DQX1: variants seen among roughly 807,000 people sequenced by gnomAD.
DQX1 encodes ATP-dependent RNA helicase homolog DQX1.
A neutral mutation model predicts 81.3 loss-of-function variants in DQX1; 66 were observed. The observed-to-expected ratio is 0.81, with a 90% CI of 0.67 to 1.00. The LOEUF (loss-of-function observed/expected upper bound fraction) is 1.00, where lower values mean the gene tolerates loss of function less well. DQX1 is among the 50% of genes least tolerant of loss of function. The pLI is 0.00. For missense variants in DQX1, 798 were observed against 867.9 expected (o/e 0.92, Z 1.01); for synonymous variants, 290 against 350.0 (o/e 0.83, Z 1.91).
rs779881243 is a variant in DQX1 at position 74,525,203 on chromosome 2, C to A, written c.238-1G>T. 6.5e-7 allele frequency: 1 copy of A among 1,549,268 alleles called. No homozygotes were observed. Among genetic ancestry groups the A allele is most frequent in the South Asian group, 1.2e-5 (1 of 83,276 alleles). Reference sequence around the variant, plus strand: ...CAAACTCTGCACACCACTGAGGGATCTGGGATAGAAGTAGGGAAGGAGAGC... The same window carrying A: ...CAAACTCTGCACACCACTGAGGGATATGGGATAGAAGTAGGGAAGGAGAGC... On this transcript the variant is annotated splice_acceptor_variant, in intron 2 of 11. Coordinates refer to ENST00000404568, the MANE Select transcript of DQX1 (RefSeq NM_133637.3). LOFTEE classifies it high-confidence loss of function. The surrounding 1 kb of genome is among the most constrained non-coding windows in gnomAD (Gnocchi z 4.1).
At chr2:74,519,487 G>A in intron 10 of DQX1, 69 bp downstream of exon 10, 1 of 1,560,406 alleles carries the variant, frequency 6.4e-7, no homozygotes, top group South Asian at 1.2e-5. Context: ...TTTCAAAGTG[G>A]CTTACCAATA....
rs1321279863 is a variant in DQX1, at chr2:74,522,884, T to A, written c.1275A>T (p.Pro425=). Residue 425 remains proline, a synonymous_variant, in exon 7 of 12, where the codon CCA becomes CCT. Transcript: ENST00000404568. ...GCTGGTCCAGGAAGTGACACTCCCC[T>A]GGCTCTGCAATCTGTCTCCTTTTTA... ...LLLKRRQIAE[P]GECHFLDQPA... 7.4e-6 allele frequency: 12 copies of A among 1,614,030 alleles called. No homozygotes were observed. Among genetic ancestry groups the A allele is most frequent in the Non-Finnish European group, 1.0e-5 (12 of 1,179,996 alleles).
In DQX1 at chr2:74,525,830, A is replaced by G. The variant is rs1186762958; in HGVS notation, c.-19-82T>C. On this transcript the variant is annotated intron_variant, in intron 1 of 11. Transcript: ENST00000404568. This position sits in a 1 kb window ranked among gnomAD's most constrained non-coding sequence, Gnocchi z 4.1. The stretch of plus-strand genomic sequence containing the variant: ...ACCTCAGCCCTGATCCTTAACCTCT[A>G]CCTTCAGTTGATCATGCTCTGGGGC... 15 of 967,102 alleles carry G rather than the reference A, an allele frequency of 1.6e-5. No individual in the cohort carries two copies. The highest frequency in any genetic ancestry group is 4.9e-5 in the African/African-American group (3 of 60,836). The allele number at this position is 967,102 out of a possible 1,614,324, so 59.9% of individuals were successfully genotyped here. A position where few individuals can be genotyped will look rare whatever the true frequency, so the allele number is the denominator to read the frequency against.
In DQX1 at chr2:74,525,344, C is replaced by T. The variant is rs2104344197; in HGVS notation, c.238-142G>A. 1 of 1,242,004 alleles carries T rather than the reference C, an allele frequency of 8.1e-7. No homozygotes were observed. The highest frequency in any genetic ancestry group is 1.1e-6 in the Non-Finnish European group (1 of 906,418). 76.9% of individuals were successfully genotyped at this position (1,242,004 alleles called of 1,614,324 possible). On this transcript the variant is annotated intron_variant, in intron 2 of 11. Coordinates refer to ENST00000404568, the MANE Select transcript of DQX1 (RefSeq NM_133637.3). This position sits in a 1 kb window ranked among gnomAD's most constrained non-coding sequence, Gnocchi z 4.1. ...CACCAGCCTCCAGGGCCAACCTAAC[C>T]CATCCCATCTCTCTTCGTTCACCTT...
chr2:74,523,423 C>T lies in DQX1; in HGVS notation c.931G>A (p.Val311Met), dbSNP rs1298020516. 9 of 1,614,080 alleles carry T rather than the reference C, an allele frequency of 5.6e-6. No individual in the cohort carries two copies. The highest frequency in any genetic ancestry group is 7.6e-6 in the Non-Finnish European group (9 of 1,180,060). The change falls in exon 5 of 12, where the codon GTG becomes ATG. Residue 311 changes from valine to methionine, a missense_variant. Coordinates refer to ENST00000404568, the MANE Select transcript of DQX1 (RefSeq NM_133637.3). ...TTTCGGGCATCCATGTCCTCATACA[C>T]AGCCTGAACGGCTCGTCCACAGTCT... ...HPDCGRAVQAVYEDMDARKVV... is the reference protein window; with the variant it reads ...HPDCGRAVQAMYEDMDARKVV...
intron 8 of DQX1, among the ~76,000 whole-genome samples, chr2:74,520,762 C>T (rs371026877): frequency 1.6e-4 from 24 of 152,126 alleles, no homozygotes; most frequent in South Asian, 8.3e-4. Context: ...CAGCCTCAAC[C>T]TCCCAGGCTT....
Position 74,525,356 on chromosome 2 carries a change from T to C in DQX1, c.237+137A>G. The C allele has an allele frequency of 8.0e-7, 1 of 1,249,606 alleles. No homozygotes were observed. The highest frequency in any genetic ancestry group is 1.1e-6 in the Non-Finnish European group (1 of 911,642). The allele number at this position is 1,249,606 out of a possible 1,614,324, so 77.4% of individuals were successfully genotyped here. On this transcript the variant is annotated intron_variant, in intron 2 of 11. Transcript: ENST00000404568. The surrounding 1 kb of genome is among the most constrained non-coding windows in gnomAD (Gnocchi z 4.1). ...GGGCCAACCTAACCCATCCCATCTC[T>C]CTTCGTTCACCTTCCTCATGACCCC... is the stretch of plus-strand genomic sequence containing the variant.
Position 74,525,547 on chromosome 2 carries a change from G to T in DQX1, c.183C>A (p.Asn61Lys), listed in dbSNP as rs1159880082. 4.5e-6 allele frequency: 7 copies of T among 1,552,234 alleles called. No individual in the cohort carries two copies. In the East Asian group the frequency reaches 1.5e-4, roughly 33 times the overall value. ...CAGACACCAGCACCACTCCAGTGGGGTTACTCTCCAACTGCTCCAAGAAGG... is the reference window on the plus strand; with the variant it reads ...CAGACACCAGCACCACTCCAGTGGGTTTACTCTCCAACTGCTCCAAGAAGG... ...RFTFLEQLESNPTGVVLVSGE... is the reference protein window; with the variant it reads ...RFTFLEQLESKPTGVVLVSGE... Residue 61 changes from asparagine (N) to lysine (K), a missense_variant, in exon 2 of 12, where the codon AAC becomes AAA. Asn to Lys is a moderately conservative substitution (Grantham distance 94). Coordinates refer to ENST00000404568, the MANE Select transcript of DQX1 (RefSeq NM_133637.3). This position sits in a 1 kb window ranked among gnomAD's most constrained non-coding sequence, Gnocchi z 4.1.
At chr2:74,524,390 C>A in intron 3 of DQX1, 83 bp from the exon 4 acceptor site, 1 of 1,508,042 alleles carries the variant, frequency 6.6e-7, no homozygotes, top group Non-Finnish European at 8.8e-7. Context: ...CCCCAAGGGA[C>A]GTATATTTTG....
chr2:74,521,013 A>T (rs1335350199), intron 8 of DQX1, among the ~76,000 whole-genome samples: 1 of 152,092 alleles, frequency 6.6e-6, no homozygotes, highest in African/African-American at 2.4e-5. Flanking sequence ...GTGTCTGAAA[A>T]AGTTCACATT....
At position 74,525,335 on chromosome 2, in the gene DQX1, C is replaced by G. The variant is rs1446428917; in HGVS notation, c.238-133G>C. The G allele has an allele frequency of 3.2e-6, 4 of 1,240,184 alleles. No homozygotes were observed. The highest frequency in any genetic ancestry group is 4.4e-6 in the Non-Finnish European group (4 of 907,080). 76.8% of individuals were successfully genotyped at this position (1,240,184 alleles called of 1,614,324 possible). A position where few individuals can be genotyped will look rare whatever the true frequency, so the allele number is the denominator to read the frequency against. On this transcript the variant is annotated intron_variant, in intron 2 of 11. Transcript: ENST00000404568. The surrounding 1 kb of genome is among the most constrained non-coding windows in gnomAD (Gnocchi z 4.1). Reference sequence around the variant, plus strand: ...CTGGTCTTTCACCAGCCTCCAGGGCCAACCTAACCCATCCCATCTCTCTTC... The same window carrying G: ...CTGGTCTTTCACCAGCCTCCAGGGCGAACCTAACCCATCCCATCTCTCTTC...
rs1256023331 is a variant in DQX1 at position 74,518,528 on chromosome 2, A to G, written c.2072T>C (p.Leu691Pro). 9.3e-6 allele frequency: 15 copies of G among 1,614,184 alleles called. No homozygotes were observed. The highest frequency in any genetic ancestry group is 1.3e-5 in the Non-Finnish European group (15 of 1,180,022). ...PSESRDLLNQ[L>P]REGMADSTAG... Reference sequence around the variant, plus strand: ...TGTAGAATCTGCCATTCCTTCCCTTAGCTGGTTCAGAAGGTCTCTGCTCTC... The same window carrying G: ...TGTAGAATCTGCCATTCCTTCCCTTGGCTGGTTCAGAAGGTCTCTGCTCTC... The change falls in exon 12 of 12, where the codon CTA becomes CCA. Residue 691 changes from leucine to proline, a missense_variant. Physicochemically the swap from Leu to Pro is moderately conservative, Grantham distance 98. Transcript: ENST00000404568.
rs1675134788 is a variant in DQX1, at chr2:74,525,033, C to G, written c.407G>C (p.Cys136Ser). ...CCTGAGCAGGGTGTTGGGCCCCGTG[C>G]AGTCCTCCTGGGGGATGCTGTATCC... ...EVGYSIPQED[C>S]TGPNTLLRFC... The change falls in exon 3 of 12, where the codon TGC (cysteine) becomes TCC (serine). Residue 136 changes from cysteine (C) to serine (S), a missense_variant. Physicochemically the swap from Cys to Ser is moderately radical, Grantham distance 112. Transcript: ENST00000404568. The surrounding 1 kb of genome is among the most constrained non-coding windows in gnomAD (Gnocchi z 4.1). 1.2e-6 allele frequency: 2 copies of G among 1,613,966 alleles called. No individual in the cohort carries two copies. The highest frequency in any genetic ancestry group is 1.7e-6 in the Non-Finnish European group (2 of 1,179,986).
In DQX1 at chr2:74,518,183, T is replaced by C. The variant is rs1390241074; in HGVS notation, c.*263A>G. 2.5e-6 allele frequency: 1 copy of C among 407,690 alleles called. No individual in the cohort carries two copies. Among genetic ancestry groups the C allele is most frequent in the Non-Finnish European group, 4.3e-6 (1 of 230,556 alleles). 25.3% of individuals were successfully genotyped at this position (407,690 alleles called of 1,614,324 possible). ...ATCACAAGGGAGTACAAGAATGGGT[T>C]TGGCAAAGTTAAGAGAATGAGGAGC... On this transcript the variant is annotated 3_prime_UTR_variant, in exon 12 of 12. Transcript: ENST00000404568.
intron 11 of DQX1, 79 bp from the exon 12 acceptor site, chr2:74,518,681 C>T (rs1572982879): frequency 7.0e-7 from 1 of 1,426,672 alleles, no homozygotes; most frequent in Non-Finnish European, 9.7e-7. Flanking sequence ...GGGTCTCGCT[C>T]TGTTACCTGG....
In DQX1 at chr2:74,525,598, G is replaced by A. The variant is rs1309348576; in HGVS notation, c.132C>T (p.Ala44=). 1 of 1,551,996 alleles carries A rather than the reference G, an allele frequency of 6.4e-7. No homozygotes were observed. The highest frequency in any genetic ancestry group is 2.4e-5 in the East Asian group (1 of 40,928). The change falls in exon 2 of 12, where the codon GCC becomes GCT. Residue 44 remains alanine (A), a synonymous_variant. Transcript: ENST00000404568. This position sits in a 1 kb window ranked among gnomAD's most constrained non-coding sequence, Gnocchi z 4.1. The part of the protein sequence containing the change: ...RYYELLKQRQ[A]LPIWAARFTF... Reference sequence around the variant, plus strand: ...TAAAGCGAGCAGCCCAGATGGGCAAGGCTTGGCGCTGCTTCAGCAGCTCAT... The same window carrying A: ...TAAAGCGAGCAGCCCAGATGGGCAAAGCTTGGCGCTGCTTCAGCAGCTCAT...
Position 74,523,227 on chromosome 2 carries a change from C to T in DQX1, c.1045-9G>A, listed in dbSNP as rs1243823807. The T allele has an allele frequency of 3.2e-5, 51 of 1,614,126 alleles. No homozygotes were observed. Among genetic ancestry groups the T allele is most frequent in the Non-Finnish European group, 4.2e-5 (50 of 1,180,022 alleles). On this transcript the variant is annotated splice_polypyrimidine_tract_variant and intron_variant, in intron 5 of 11. Transcript: ENST00000404568. Reference sequence around the variant, plus strand: ...ATCCTAGGATTGTAAACCTGTTGCCCGTCCCCCAACCAAGGCCAAGACAGA... The same window carrying T: ...ATCCTAGGATTGTAAACCTGTTGCCTGTCCCCCAACCAAGGCCAAGACAGA...
Position 74,524,148 on chromosome 2 carries a change from G to C in DQX1, c.591C>G (p.Asp197Glu). Residue 197 changes from aspartate (D) to glutamate (E), a missense_variant, in exon 4 of 12, where the codon GAC becomes GAG. Physicochemically the swap from Asp to Glu is conservative, Grantham distance 45. Transcript: ENST00000404568. ...QDARLEKLPG[D>E]LRVVVVTDPA... is the part of the protein sequence containing the mutation. ...GGTCAGTAACCACAACCACTCTGAG[G>C]TCCCCCGGAAGTTTTTCCAGCCTGG... 6.2e-7 allele frequency: 1 copy of C among 1,614,194 alleles called. No homozygotes were observed. Among genetic ancestry groups the C allele is most frequent in the Non-Finnish European group, 8.5e-7 (1 of 1,180,040 alleles).
At chr2:74,521,942 T>C (rs1675040892) in intron 8 of DQX1, among the ~76,000 whole-genome samples, 1 of 152,188 alleles carries the variant, frequency 6.6e-6, no homozygotes, top group South Asian at 2.1e-4. Flanking sequence ...ATAAACTTGC[T>C]CAGAGAGTTC....
Sources: gnomAD v4.1 joint callset for allele counts (sites outside exome capture counted in the v4.1 genomes callset) on GRCh38, gnomAD v4.1.1 for gene constraint, Gnocchi (gnomAD v3.1) non-coding constraint, MANE v1.5 for transcripts, NCBI Gene and HGNC (gene_info 2026-07-23, HGNC 2026-07-21) for gene names.